EDIL3: variants seen among roughly 807,000 people sequenced by gnomAD.
The protein encoded by EDIL3 is EGF like and discoidin domains 3, also known as EGF-like repeat and discoidin I-like domain-containing protein 3.
Under a neutral mutation model 67.4 loss-of-function variants are expected in EDIL3, and 37 were observed. The observed-to-expected ratio is 0.55, with a 90% CI of 0.42 to 0.72. The LOEUF is 0.72. Ranked by LOEUF, EDIL3 falls within the 30% of genes least tolerant of loss-of-function variation. The pLI, the probability that EDIL3 is intolerant of heterozygous loss-of-function variation, is 0.00. For synonymous variants in EDIL3, 195 were observed against 196.3 expected (o/e 0.99, Z 0.05); for missense variants, 527 against 586.3 (o/e 0.90, Z 1.04).
intron 4 of EDIL3, among the ~76,000 whole-genome samples, chr5:84,153,598 G>C (rs997675451): frequency 2.0e-5 from 3 of 151,940 alleles, no homozygotes; most frequent in African/African-American, 7.3e-5. Flanking sequence ...GAGTAGCTGG[G>C]ACTACAGGCA....
Position 84,044,154 on chromosome 5 carries a change from G to A in EDIL3, c.1137+16146C>T, listed in dbSNP as rs147461914. ...ATCCCACTTATGAGTGAGAATATGC[G>A]GTGTTTGGTTTCCTGTTCCTGTGTT... On this transcript the variant is annotated intron_variant, in intron 9 of 10. Coordinates refer to ENST00000296591, the MANE Select transcript of EDIL3 (RefSeq NM_005711.5). 3.8e-3 allele frequency among the ~76,000 whole-genome samples: 584 copies of A among 152,084 alleles called. 4 individuals carry two copies. Among genetic ancestry groups the A allele is most frequent in the African/African-American group, 0.014 (561 of 41,466 alleles).
intron 4 of EDIL3, 117 bp from the exon 5 acceptor site, chr5:84,137,471 G>T: frequency 1.3e-6 from 1 of 785,826 alleles, no homozygotes; most frequent in Non-Finnish European, 2.0e-6. Context: ...TTGTGTGTGT[G>T]TAGGCATGTG....
chr5:84,256,119 A>ACTAT (rs1554038574), intron 1 of EDIL3, among the ~76,000 whole-genome samples: 24,153 of 146,946 alleles, frequency 0.16, 2,145 homozygotes, highest in Middle Eastern at 0.29. Context: ...TTATCATCTA[A>ACTAT]CTATCTATCT....
intron 9 of EDIL3, among the ~76,000 whole-genome samples, chr5:84,051,260 T>G (rs996277928): frequency 6.6e-5 from 10 of 152,092 alleles, no homozygotes; most frequent in Non-Finnish European, 1.5e-4. Flanking sequence ...GTCCTGAATG[T>G]TAAAAGGAAA....
At chr5:84,039,753 T>C (rs1047542628) in intron 9 of EDIL3, among the ~76,000 whole-genome samples, 1 of 152,042 alleles carries the variant, frequency 6.6e-6, no homozygotes, top group Non-Finnish European at 1.5e-5. Context: ...GTACATCCCA[T>C]GTAATATTTA....
intron 1 of EDIL3, 149 bp downstream of exon 1, chr5:84,384,159 G>T: frequency 3.2e-6 from 3 of 926,570 alleles, no homozygotes; most frequent in Admixed American, 2.6e-5. Context: ...CTTTCTCGGG[G>T]CACCCAGGAC....
At chr5:84,251,024 A>G (rs573723542) in intron 2 of EDIL3, among the ~76,000 whole-genome samples, 6 of 152,184 alleles carry the variant, frequency 3.9e-5, no homozygotes, top group Admixed American at 1.3e-4. Flanking sequence ...TTAAATTCCA[A>G]TACACTCTGT....
In EDIL3 at chr5:84,194,014, C is replaced by T. The variant is rs573817873; in HGVS notation, c.227-13493G>A. Among the ~76,000 whole-genome samples, 4 of 152,002 alleles carry T rather than the reference C, an allele frequency of 2.6e-5. No individual in the cohort carries two copies. In the South Asian group the frequency reaches 6.2e-4, roughly 24 times the overall value. ...ATCTTTTTGCTTATATAGGGAACCA[C>T]TTTCACATTTTTTAAAAAAGTAAAA... On this transcript the variant is annotated intron_variant, in intron 3 of 10. Transcript: ENST00000296591.
At chr5:84,384,220 G>A (rs1051025192) in intron 1 of EDIL3, 88 bp downstream of exon 1, 7 of 1,491,536 alleles carry the variant, frequency 4.7e-6, no homozygotes, top group East Asian at 4.8e-5. Flanking sequence ...TGGCACGCCG[G>A]AGGGACCGCC....
intron 3 of EDIL3, among the ~76,000 whole-genome samples, chr5:84,189,963 C>G (rs543975601): frequency 2.0e-5 from 3 of 151,824 alleles, no homozygotes; most frequent in Admixed American, 6.6e-5. Context: ...TATACAGAAG[C>G]CTTTTGTGAA....
chr5:84,179,047 A>T (rs1019777944), intron 4 of EDIL3, among the ~76,000 whole-genome samples: 1 of 152,210 alleles, frequency 6.6e-6, no homozygotes, highest in Non-Finnish European at 1.5e-5. Context: ...GCTTGTTTGA[A>T]TATAGTATGA....
chr5:84,032,583 G>A (rs1235467597), intron 9 of EDIL3, among the ~76,000 whole-genome samples: 2 of 152,030 alleles, frequency 1.3e-5, no homozygotes, highest in African/African-American at 4.8e-5. Context: ...CACAGCTTAT[G>A]TAGACATAGC....
intron 9 of EDIL3, among the ~76,000 whole-genome samples, chr5:84,058,185 G>A (rs1746481686): frequency 6.6e-6 from 1 of 152,094 alleles, no homozygotes; most frequent in East Asian, 1.9e-4. Context: ...TACTTGGTTT[G>A]AGTACAAGCA....
chr5:84,238,443 A>G (rs992293073), intron 2 of EDIL3, among the ~76,000 whole-genome samples: 2 of 152,050 alleles, frequency 1.3e-5, no homozygotes, highest in Non-Finnish European at 2.9e-5. Context: ...GAAAGATGAG[A>G]TATTTCCGTG....
At position 84,066,603 on chromosome 5, in the gene EDIL3, T is replaced by C; in HGVS notation, c.655A>G (p.Asn219Asp). 2 of 1,611,802 alleles carry C rather than the reference T, an allele frequency of 1.2e-6. No homozygotes were observed. The highest frequency in any genetic ancestry group is 8.5e-7 in the Non-Finnish European group (1 of 1,179,500). ...GTAACTCTCATTTTCCTTTGCAAAT[T>C]TATCTGAAAAGACGAGCACAACCAA... Reference protein sequence around the residue: ...ENDRWPWIQINLQRKMRVTGV... With the variant: ...ENDRWPWIQIDLQRKMRVTGV... The change falls in exon 7 of 11, where the codon AAT becomes GAT. Residue 219 changes from asparagine (N) to aspartate (D), a missense_variant. Around this residue, in one of 2 missense-constraint regions of EDIL3, gnomAD observed 494 missense variants for 522.5 expected, o/e 0.95. Transcript: ENST00000296591.
rs956025653 is a variant in EDIL3, at chr5:84,070,803, C to G, written c.652-4197G>C. Among the ~76,000 whole-genome samples, 4 of 152,158 alleles carry G rather than the reference C, an allele frequency of 2.6e-5. No individual in the cohort carries two copies. The South Asian group carries it at 6.2e-4, about 24-fold the overall frequency. ...TGAGCAGGCTTTGAAATTTATCGTA[C>G]TTGAACACAAAAACTATGGTAAAGC... On this transcript the variant is annotated intron_variant, in intron 6 of 10. Coordinates refer to ENST00000296591, the MANE Select transcript of EDIL3 (RefSeq NM_005711.5).
intron 9 of EDIL3, among the ~76,000 whole-genome samples, chr5:83,990,464 C>T (rs2269279): frequency 0.074 from 10,308 of 138,742 alleles, 439 homozygotes; most frequent in Middle Eastern, 0.16. Context: ...TCCAGTCTGC[C>T]GACCGAGTGA....
chr5:84,199,163 C>T (rs1292461119), intron 3 of EDIL3, among the ~76,000 whole-genome samples: 1 of 151,894 alleles, frequency 6.6e-6, no homozygotes, highest in Admixed American at 6.6e-5. Flanking sequence ...ACTGTGCAAA[C>T]CTTTTATACC....
chr5:84,307,815 T>C (rs114228806), intron 1 of EDIL3, among the ~76,000 whole-genome samples: 1,948 of 152,144 alleles, frequency 0.013, 50 homozygotes, highest in African/African-American at 0.045. Flanking sequence ...TGGTCTCTAA[T>C]GCACAGAGCA....
Sources: gnomAD v4.1 joint callset for allele counts (sites outside exome capture counted in the v4.1 genomes callset) on GRCh38, gnomAD v4.1.1 for gene constraint, gnomAD v4.1.1 regional missense constraint, MANE v1.5 for transcripts, NCBI Gene and HGNC (gene_info 2026-07-23, HGNC 2026-07-21) for gene names.